Variants in PHLPP1 observed in about 807,000 individuals in gnomAD.
PHLPP1 encodes the protein PH domain leucine-rich repeat-containing protein phosphatase 1.
Under a neutral mutation model 117.2 loss-of-function variants are expected in PHLPP1, and 42 were observed. That is an observed-to-expected ratio of 0.36 (90% CI 0.28 to 0.46). The LOEUF is 0.46. PHLPP1 is among the 20% of genes least tolerant of loss of function. The probability of loss-of-function intolerance (pLI) is 1.00; values close to 1 mark genes in which losing one functional copy is unlikely to be tolerated. For missense variants in PHLPP1, 2,084 were observed against 2,241.9 expected (o/e 0.93, Z 1.42); for synonymous variants, 1,042 against 970.7 (o/e 1.07, Z -1.37).
chr18:62,895,323 A>T (rs993515121), intron 5 of PHLPP1, among the ~76,000 whole-genome samples, 166 bp downstream of exon 5: 1 of 152,212 alleles, frequency 6.6e-6, no homozygotes, highest in Non-Finnish European at 1.5e-5. Flanking sequence ...CATATGTTGG[A>T]TTTGTACTCC....
intron 6 of PHLPP1, among the ~76,000 whole-genome samples, chr18:62,897,535 ATC>A (rs2144401080): frequency 6.6e-6 from 1 of 152,190 alleles, no homozygotes; most frequent in East Asian, 1.9e-4. Flanking sequence ...GAGATAGAGT[ATC>A]TGTCTGTCGC....
intron 6 of PHLPP1, among the ~76,000 whole-genome samples, chr18:62,901,748 C>T (rs1368901496): frequency 2.0e-5 from 3 of 151,814 alleles, no homozygotes; most frequent in Non-Finnish European, 4.4e-5. Flanking sequence ...CTCAGCTTCC[C>T]GAGTAGCTGG....
At chr18:62,786,212 T>C (rs1022097734) in intron 1 of PHLPP1, among the ~76,000 whole-genome samples, 2 of 152,178 alleles carry the variant, frequency 1.3e-5, no homozygotes, top group Admixed American at 1.3e-4. Context: ...GTGTAAGGAG[T>C]AATAGGCATT....
intron 3 of PHLPP1, 51 bp from the exon 4 acceptor site, chr18:62,860,384 T>C (rs115247330): frequency 1.4e-4 from 206 of 1,432,812 alleles, no homozygotes; most frequent in Middle Eastern, 1.1e-3. Flanking sequence ...CCATAGAAAG[T>C]AGTTATAGGA....
intron 4 of PHLPP1, among the ~76,000 whole-genome samples, chr18:62,865,594 G>C: frequency 6.6e-6 from 1 of 152,134 alleles, no homozygotes; most frequent in East Asian, 1.9e-4. Flanking sequence ...TGATGTCTTA[G>C]AACAGAATGG....
At chr18:62,741,373 T>G (rs890562379) in intron 1 of PHLPP1, among the ~76,000 whole-genome samples, 5 of 152,316 alleles carry the variant, frequency 3.3e-5, no homozygotes, top group African/African-American at 1.2e-4. Context: ...TTTTTTTCCC[T>G]GAGTCTACTT....
intron 1 of PHLPP1, among the ~76,000 whole-genome samples, chr18:62,717,979 A>G (rs1472869890): frequency 6.6e-6 from 1 of 152,194 alleles, no homozygotes; most frequent in Non-Finnish European, 1.5e-5. Context: ...CCTTGCAGGA[A>G]GGTTCACAAG....
intron 3 of PHLPP1, among the ~76,000 whole-genome samples, chr18:62,851,097 A>C (rs781531055): frequency 1.2e-4 from 18 of 152,168 alleles, no homozygotes; most frequent in Non-Finnish European, 2.5e-4. Flanking sequence ...TGGTTCATAA[A>C]AGGCAAATAA....
At chr18:62,931,878 GAAAAAA>G (rs61550621) in intron 10 of PHLPP1, among the ~76,000 whole-genome samples, 7 of 76,472 alleles carry the variant, frequency 9.2e-5, no homozygotes, top group South Asian at 4.4e-4. Flanking sequence ...CTGGGCGACA[GAAAAAA>G]AAAAAAAAAA....
chr18:62,840,303 G>A (rs1915018620), intron 3 of PHLPP1, among the ~76,000 whole-genome samples: 1 of 152,242 alleles, frequency 6.6e-6, no homozygotes, highest in African/African-American at 2.4e-5. Flanking sequence ...CGGTTGATAG[G>A]GCTTAGAAAA....
intron 1 of PHLPP1, among the ~76,000 whole-genome samples, chr18:62,743,758 C>T (rs908257989): frequency 1.3e-5 from 2 of 152,004 alleles, no homozygotes; most frequent in African/African-American, 4.8e-5. Flanking sequence ...AGCTCTTCTT[C>T]CCTCTCCTCT....
rs1339798317 is a variant in PHLPP1, at chr18:62,963,462, G to T, written c.3550G>T (p.Val1184Leu). Reference sequence around the variant, plus strand: ...TCATGGTTACACTGAAGCTTCGGGGGTAAAAAACAAGTAAGTCAGATGAAA... The same window carrying T: ...TCATGGTTACACTGAAGCTTCGGGGTTAAAAAACAAGTAAGTCAGATGAAA... Reference protein sequence around the residue: ...WSHGYTEASGVKNKLCVAALS... With the variant: ...WSHGYTEASGLKNKLCVAALS... Residue 1184 changes from valine to leucine, a missense_variant, in exon 14 of 17, where the codon GTA (valine) becomes TTA (leucine). Coordinates refer to ENST00000262719, the MANE Select transcript of PHLPP1 (RefSeq NM_194449.4). 6.2e-7 allele frequency: 1 copy of T among 1,608,440 alleles called. No individual in the cohort carries two copies. Among genetic ancestry groups the T allele is most frequent in the South Asian group, 1.1e-5 (1 of 90,118 alleles).
At chr18:62,881,031 G>A (rs1389321774) in intron 4 of PHLPP1, among the ~76,000 whole-genome samples, 15 of 152,142 alleles carry the variant, frequency 9.9e-5, no homozygotes. Context: ...CCTCTTGTTT[G>A]AATTACTTTA....
chr18:62,874,697 G>C (rs1245416320), intron 4 of PHLPP1, among the ~76,000 whole-genome samples: 1 of 149,108 alleles, frequency 6.7e-6, no homozygotes, highest in Admixed American at 6.7e-5. Context: ...ACACACTCTC[G>C]CTCTCTGTCT....
chr18:62,918,040 A>G (rs1271632430), intron 9 of PHLPP1, among the ~76,000 whole-genome samples: 1 of 151,806 alleles, frequency 6.6e-6, no homozygotes, highest in Non-Finnish European at 1.5e-5. Context: ...CCCCGTCTCT[A>G]CTAAAAAATA....
chr18:62,774,278 C>T (rs1375538721), intron 1 of PHLPP1, among the ~76,000 whole-genome samples: 2 of 152,094 alleles, frequency 1.3e-5, no homozygotes. Context: ...TATTTTTGCT[C>T]CTCTGTGATA....
At chr18:62,940,354 C>CTTTTTTT (rs66530466) in intron 10 of PHLPP1, among the ~76,000 whole-genome samples, 520 of 46,868 alleles carry the variant, frequency 0.011, 63 homozygotes, top group Non-Finnish European at 0.012. Flanking sequence ...TCTTTCTTTT[C>CTTTTTTT]TTTTTTTTTT....
At chr18:62,826,060 AT>A (rs1381152265) in intron 1 of PHLPP1, among the ~76,000 whole-genome samples, 1 of 152,154 alleles carries the variant, frequency 6.6e-6, no homozygotes, top group Non-Finnish European at 1.5e-5. Flanking sequence ...GGCTCTTGTT[AT>A]TGAGTGATTT....
At position 62,850,693 on chromosome 18, in the gene PHLPP1, A is replaced by G. The variant is rs74852856; in HGVS notation, c.1900-9742A>G. Among the ~76,000 whole-genome samples, 702 of 152,282 alleles carry G rather than the reference A, an allele frequency of 4.6e-3. 7 individuals carry two copies. The highest frequency in any genetic ancestry group is 0.016 in the African/African-American group (678 of 41,542). ...TTTTTTGTTGTTACTGAGAAACACA[A>G]TGGGGTTTGTGTGTGTGGAAGGGAG... is the stretch of plus-strand genomic sequence containing the variant. On this transcript the variant is annotated intron_variant, in intron 3 of 16. Transcript: ENST00000262719.
Sources: gnomAD v4.1 joint callset for allele counts (sites outside exome capture counted in the v4.1 genomes callset) on GRCh38, gnomAD v4.1.1 for gene constraint, MANE v1.5 for transcripts, NCBI Gene and HGNC (gene_info 2026-07-23, HGNC 2026-07-21) for gene names.